GLCE: variants seen among roughly 807,000 people sequenced by gnomAD.
GLCE encodes the protein D-glucuronyl C5-epimerase.
In GLCE, 19 loss-of-function variants were observed where a neutral mutation model predicts 47.9. That is an observed-to-expected ratio of 0.40 (90% confidence interval 0.28 to 0.58). The LOEUF is 0.58. Among genes scored for constraint, GLCE ranks in the 20% least tolerant of loss-of-function variants. The pLI is 0.48. For missense variants in GLCE, 556 were observed against 743.3 expected (o/e 0.75, Z 2.93); for synonymous variants, 245 against 263.4 (o/e 0.93, Z 0.68).
intron 1 of GLCE, among the ~76,000 whole-genome samples, chr15:69,198,796 C>T (rs1439932382): frequency 6.6e-6 from 1 of 152,116 alleles, no homozygotes; most frequent in Non-Finnish European, 1.5e-5. Context: ...CTCAAGTGAT[C>T]CTCCTGCCTT....
chr15:69,177,767 C>T (rs2051692268), intron 1 of GLCE, among the ~76,000 whole-genome samples: 1 of 151,118 alleles, frequency 6.6e-6, no homozygotes, highest in East Asian at 1.9e-4. Context: ...CTCCACACTC[C>T]ACCCTCTCAA....
rs2053149046 is a variant in GLCE at position 69,270,366 on chromosome 15, GATGTTACTGCACTTAT to G, written c.*1123_*1138del. On this transcript the variant is annotated 3_prime_UTR_variant, in exon 5 of 5. Transcript: ENST00000261858. ...ATTATCCCAGCTATTAGATAGAAGG[GATGTTACTGCACTTAT>G]GTGTAATCAGATCTTTATTTAGGTA... 1 of 151,876 alleles carries G rather than the reference GATGTTACTGCACTTAT, an allele frequency of 6.6e-6. No individual in the cohort carries two copies. Among genetic ancestry groups the G allele is most frequent in the African/African-American group, 2.4e-5 (1 of 41,336 alleles). The allele number at this position is 151,876 out of a possible 1,614,324, so 9.4% of individuals were successfully genotyped here.
At chr15:69,204,770 T>C (rs1430395681) in intron 1 of GLCE, among the ~76,000 whole-genome samples, 1 of 152,086 alleles carries the variant, frequency 6.6e-6, no homozygotes, top group Non-Finnish European at 1.5e-5. Flanking sequence ...AATTAGGTGG[T>C]ATAGTGGTGA....
intron 1 of GLCE, among the ~76,000 whole-genome samples, chr15:69,190,841 G>A (rs2140352210): frequency 6.6e-6 from 1 of 151,902 alleles, no homozygotes; most frequent in Middle Eastern, 3.4e-3. Context: ...TTTCTTCTTT[G>A]CATTTTTCTC....
chr15:69,262,066 T>TC (rs1456896830), intron 4 of GLCE, among the ~76,000 whole-genome samples: 1 of 152,158 alleles, frequency 6.6e-6, no homozygotes, highest in Non-Finnish European at 1.5e-5. Flanking sequence ...TTGTTCCCCC[T>TC]CCCACCAGTC....
At chr15:69,262,134 C>CT (rs1300521895) in intron 4 of GLCE, among the ~76,000 whole-genome samples, 1 of 152,148 alleles carries the variant, frequency 6.6e-6, no homozygotes, top group Non-Finnish European at 1.5e-5. Flanking sequence ...GTATTCTCTC[C>CT]TTGTTCTTCA....
chr15:69,261,460 A>G (rs2053013879), intron 4 of GLCE, 131 bp downstream of exon 4: 1 of 826,148 alleles, frequency 1.2e-6, no homozygotes, highest in South Asian at 1.8e-5. Flanking sequence ...AAAGTAACAA[A>G]TGGTGTCACC....
At chr15:69,252,304 AC>A (rs2052856213) in intron 2 of GLCE, among the ~76,000 whole-genome samples, 1 of 152,250 alleles carries the variant, frequency 6.6e-6, no homozygotes, top group Non-Finnish European at 1.5e-5. Flanking sequence ...TGCAGGCTAT[AC>A]AAACATGGTG....
intron 2 of GLCE, among the ~76,000 whole-genome samples, chr15:69,250,870 GTTTAC>G (rs2052834215): frequency 1.3e-5 from 2 of 150,030 alleles, no homozygotes; most frequent in Non-Finnish European, 3.0e-5. Context: ...TATATGCATT[GTTTAC>G]TTAAAATAAG....
At chr15:69,257,691 T>A (rs908532451) in intron 3 of GLCE, among the ~76,000 whole-genome samples, 16 of 152,198 alleles carry the variant, frequency 1.1e-4, no homozygotes, top group Admixed American at 4.6e-4. Context: ...CAGATTCACC[T>A]ATACTCTTAC....
intron 2 of GLCE, among the ~76,000 whole-genome samples, chr15:69,221,850 G>A (rs369986766): frequency 1.1e-4 from 15 of 130,982 alleles, no homozygotes; most frequent in African/African-American, 4.0e-4. Flanking sequence ...GCAACAGAGT[G>A]AGACGCTGTC....
chr15:69,232,439 T>C (rs1302840399), intron 2 of GLCE, among the ~76,000 whole-genome samples: 1 of 142,628 alleles, frequency 7.0e-6, no homozygotes, highest in Non-Finnish European at 1.6e-5. Flanking sequence ...GGGATTGATA[T>C]GACTACATGA....
At chr15:69,229,308 CAG>C (rs2052489015) in intron 2 of GLCE, among the ~76,000 whole-genome samples, 2 of 152,094 alleles carry the variant, frequency 1.3e-5, no homozygotes, top group African/African-American at 4.8e-5. Context: ...GAAGCTAAAC[CAG>C]AGAGTCTAGC....
chr15:69,206,816 CTTG>C (rs2052158621), intron 1 of GLCE, among the ~76,000 whole-genome samples: 1 of 152,116 alleles, frequency 6.6e-6, no homozygotes, highest in Admixed American at 6.6e-5. Flanking sequence ...ACTGGATATA[CTTG>C]TTGATGCAGG....
chr15:69,210,115 G>C (rs2052210672), intron 1 of GLCE, among the ~76,000 whole-genome samples: 1 of 152,072 alleles, frequency 6.6e-6, no homozygotes, highest in Non-Finnish European at 1.5e-5. Context: ...GGAAATAAAT[G>C]GTAAACCTGT....
rs1407426759 is a variant in GLCE at position 69,268,578 on chromosome 15, C to T, written c.1188C>T (p.Ile396=). 1 of 1,614,206 alleles carries T rather than the reference C, an allele frequency of 6.2e-7. No homozygotes were observed. Reference sequence around the variant, plus strand: ...AGGGATTCCTCGACAACATTACCATCTCTACCACAGCCCACATGGCTGCAT... The same window carrying T: ...AGGGATTCCTCGACAACATTACCATTTCTACCACAGCCCACATGGCTGCAT... ...KGKGFLDNIT[I]STTAHMAAFF... Residue 396 remains isoleucine (I), a synonymous_variant, in exon 5 of 5, where the codon ATC becomes ATT. Transcript: ENST00000261858.
At chr15:69,184,730 A>AT (rs1016161515) in intron 1 of GLCE, among the ~76,000 whole-genome samples, 4 of 152,204 alleles carry the variant, frequency 2.6e-5, no homozygotes, top group African/African-American at 9.6e-5. Flanking sequence ...GACACCAAAG[A>AT]TTCAGATCAT....
intron 2 of GLCE, among the ~76,000 whole-genome samples, chr15:69,238,232 G>A (rs1482958982): frequency 2.0e-5 from 3 of 152,038 alleles, no homozygotes; most frequent in Non-Finnish European, 4.4e-5. Flanking sequence ...CACAACCAAG[G>A]GTAAATCTTT....
At chr15:69,248,510 G>A (rs1566968174) in intron 2 of GLCE, among the ~76,000 whole-genome samples, 1 of 152,122 alleles carries the variant, frequency 6.6e-6, no homozygotes, top group African/African-American at 2.4e-5. Flanking sequence ...TATAGGCCAA[G>A]TGCTTGCTTG....
Sources: gnomAD v4.1 joint callset for allele counts (sites outside exome capture counted in the v4.1 genomes callset) on GRCh38, gnomAD v4.1.1 for gene constraint, MANE v1.5 for transcripts, NCBI Gene and HGNC (gene_info 2026-07-23, HGNC 2026-07-21) for gene names.